The following IGSF11 variants were observed in gnomAD, a reference collection of about 807,000 sequenced individuals.
IGSF11 encodes CXADR like 1.
IGSF11 carries 22 observed loss-of-function variants against 41.0 expected under a neutral mutation model. The observed-to-expected ratio is 0.54, with a 90% CI of 0.38 to 0.77. The LOEUF is 0.77. IGSF11 is among the 30% of genes least tolerant of loss of function. The pLI is 0.00. For synonymous variants in IGSF11, 219 were observed against 201.3 expected (o/e 1.09, Z -0.74); for missense variants, 444 against 530.8 (o/e 0.84, Z 1.61).
chr3:119,034,732 A>G lies in IGSF11; in HGVS notation c.-150T>C. ...TTCCCCGCGCAGAGCTGGGACTGTCAGACCCACAGACGAGCCAAGTGCAGC... is the reference window on the plus strand; with the variant it reads ...TTCCCCGCGCAGAGCTGGGACTGTCGGACCCACAGACGAGCCAAGTGCAGC... On this transcript the variant is annotated 5_prime_UTR_variant, in exon 1 of 7. Coordinates refer to ENST00000393775, the MANE Select transcript of IGSF11 (RefSeq NM_001015887.3). The G allele has an allele frequency of 7.4e-7, 1 of 1,343,454 alleles. No individual in the cohort carries two copies. The highest frequency in any genetic ancestry group is 1.5e-5 in the African/African-American group (1 of 65,490). The allele number at this position is 1,343,454 out of a possible 1,614,324, so 83.2% of individuals were successfully genotyped here.
intron 1 of IGSF11, among the ~76,000 whole-genome samples, chr3:118,990,806 A>G (rs551980588): frequency 3.1e-4 from 41 of 133,528 alleles, no homozygotes; most frequent in African/African-American, 1.2e-3. Flanking sequence ...TCAAACCAAG[A>G]CTCATTTTTT....
intron 1 of IGSF11, among the ~76,000 whole-genome samples, chr3:119,139,321 T>G (rs2077607028): frequency 6.6e-6 from 1 of 152,152 alleles, no homozygotes; most frequent in Admixed American, 6.5e-5. Flanking sequence ...ATGTAAAGAA[T>G]AAAGAGCAAC....
intron 1 of IGSF11, among the ~76,000 whole-genome samples, chr3:119,018,815 A>C (rs989282244): frequency 2.6e-5 from 4 of 152,208 alleles, no homozygotes; most frequent in Non-Finnish European, 5.9e-5. Context: ...AATGTGTGAG[A>C]CTCAGAGAGG....
At chr3:118,903,634 T>C (rs1010267561) in intron 6 of IGSF11, among the ~76,000 whole-genome samples, 3 of 152,186 alleles carry the variant, frequency 2.0e-5, no homozygotes, top group East Asian at 3.8e-4. Flanking sequence ...CGCTTAAGAA[T>C]TACAACAGTC....
intron 1 of IGSF11, among the ~76,000 whole-genome samples, chr3:119,068,321 A>G (rs894822823): frequency 1.3e-5 from 2 of 152,250 alleles, no homozygotes; most frequent in South Asian, 2.1e-4. Context: ...TGGAAATGTA[A>G]TATTTTAAGC....
chr3:118,962,712 C>T (rs1945424535), intron 1 of IGSF11, among the ~76,000 whole-genome samples: 1 of 151,822 alleles, frequency 6.6e-6, no homozygotes, highest in African/African-American at 2.4e-5. Flanking sequence ...AAGAGATCAT[C>T]CAAGTAAAAG....
chr3:118,966,562 T>C (rs1460953561), intron 1 of IGSF11, among the ~76,000 whole-genome samples: 1 of 152,200 alleles, frequency 6.6e-6, no homozygotes, highest in South Asian at 2.1e-4. Context: ...ATGTGCTTAC[T>C]ACAGACTAGA....
chr3:119,076,350 G>C (rs2076499303), intron 1 of IGSF11, among the ~76,000 whole-genome samples: 1 of 152,114 alleles, frequency 6.6e-6, no homozygotes, highest in Non-Finnish European at 1.5e-5. Context: ...CATAGGCATG[G>C]GCAAGGACTT....
chr3:118,996,284 C>A (rs947664659), intron 1 of IGSF11, among the ~76,000 whole-genome samples: 4 of 152,192 alleles, frequency 2.6e-5, no homozygotes, highest in South Asian at 2.1e-4. Context: ...GTGCTTGAGA[C>A]AGAAGCCTCA....
At chr3:119,141,542 A>C (rs1346253888) in intron 1 of IGSF11, among the ~76,000 whole-genome samples, 1 of 150,828 alleles carries the variant, frequency 6.6e-6, no homozygotes. Context: ...TGACCACATT[A>C]AAAAAAGACT....
intron 6 of IGSF11, among the ~76,000 whole-genome samples, chr3:118,904,207 T>C (rs1576314239): frequency 6.6e-6 from 1 of 152,250 alleles, no homozygotes; most frequent in Non-Finnish European, 1.5e-5. Flanking sequence ...AAGATGTTCA[T>C]ATTCTTGTCT....
Position 118,902,457 on chromosome 3 carries a change from A to ACCCCCCC in IGSF11, c.*62_*63insGGGGGGG. The ACCCCCCC allele has an allele frequency of 1.0e-5, 3 of 294,470 alleles. No homozygotes were observed. Among genetic ancestry groups the ACCCCCCC allele is most frequent in the Non-Finnish European group, 1.4e-5 (2 of 147,706 alleles). The allele number at this position is 294,470 out of a possible 1,614,324, so 18.2% of individuals were successfully genotyped here. A position where few individuals can be genotyped will look rare whatever the true frequency, so the allele number is the denominator to read the frequency against. On this transcript the variant is annotated 3_prime_UTR_variant, in exon 7 of 7. Transcript: ENST00000393775. Reference sequence around the variant, plus strand: ...TTTCTTTCCCAGCACTCCCCACCCCACCCTCCCCCTTGTATGAGGGCATTC... The same window carrying ACCCCCCC: ...TTTCTTTCCCAGCACTCCCCACCCCACCCCCCCCCCTCCCCCTTGTATGAGGGCATTC...
intron 1 of IGSF11, among the ~76,000 whole-genome samples, chr3:119,127,095 C>T (rs1272040268): frequency 3.3e-5 from 5 of 151,974 alleles, no homozygotes; most frequent in African/African-American, 4.8e-5. Flanking sequence ...GTTAAAGAAG[C>T]ATGTTCTAAC....
chr3:119,107,575 G>C (rs2107513747), upstream of IGSF11, among the ~76,000 whole-genome samples: 2 of 152,098 alleles, frequency 1.3e-5, no homozygotes, highest in East Asian at 3.9e-4. Flanking sequence ...TTGCTGTGCA[G>C]AAGCTCTTTA....
chr3:119,123,273 G>A (rs2077357845), intron 1 of IGSF11, among the ~76,000 whole-genome samples: 1 of 152,220 alleles, frequency 6.6e-6, no homozygotes, highest in Non-Finnish European at 1.5e-5. Context: ...TGTGTAAAGA[G>A]GAGGGAAGAA....
chr3:118,958,597 T>A (rs537851380), intron 1 of IGSF11, among the ~76,000 whole-genome samples: 1 of 152,334 alleles, frequency 6.6e-6, no homozygotes, highest in Non-Finnish European at 1.5e-5. Flanking sequence ...ACATTCAGTA[T>A]AATAAATTCA....
At chr3:118,970,392 G>C (rs1933251464) in intron 1 of IGSF11, among the ~76,000 whole-genome samples, 1 of 152,154 alleles carries the variant, frequency 6.6e-6, no homozygotes, top group South Asian at 2.1e-4. Flanking sequence ...ACCTGAACTA[G>C]GGGATCTTTG....
rs184237858 is a variant in IGSF11, at chr3:119,057,725, C to T, written c.49+47419G>A. 1.4e-3 allele frequency among the ~76,000 whole-genome samples: 216 copies of T among 152,346 alleles called. 2 individuals carry two copies. Among genetic ancestry groups the T allele is most frequent in the African/African-American group, 4.7e-3 (195 of 41,588 alleles). On this transcript the variant is annotated intron_variant, in intron 1 of 6. Coordinates refer to the IGSF11 transcript ENST00000354673. ...TCACGCTACCTGACTTCAAACTATA[C>T]TACAAGGCTACAGTAACCAAAACAG... is the stretch of plus-strand genomic sequence containing the variant.
At chr3:119,119,125 T>A (rs2077298499) in intron 1 of IGSF11, among the ~76,000 whole-genome samples, 1 of 152,220 alleles carries the variant, frequency 6.6e-6, no homozygotes, top group African/African-American at 2.4e-5. Context: ...CCAAAGCCGC[T>A]TCCAAATTTT....
Sources: allele counts gnomAD v4.1 joint callset (sites outside exome capture counted in the v4.1 genomes callset), GRCh38; gene constraint gnomAD v4.1.1; transcripts MANE v1.5; gene names NCBI Gene and HGNC (gene_info 2026-07-23, HGNC 2026-07-21).